The following STK32B variants were observed in gnomAD, a reference collection of about 807,000 sequenced individuals.
The protein encoded by STK32B is serine/threonine-protein kinase 32B.
In STK32B, 43 loss-of-function variants were observed where a neutral mutation model predicts 52.6. The observed-to-expected ratio is 0.82, with a 90% CI of 0.64 to 1.05. The LOEUF (loss-of-function observed/expected upper bound fraction) is 1.05, where lower values mean the gene tolerates loss of function less well. Ranked by LOEUF, STK32B falls within the 50% of genes least tolerant of loss-of-function variation. The pLI is 0.00. For missense variants in STK32B, 621 were observed against 534.6 expected, an observed-to-expected ratio of 1.16 and a Z score of -1.59; for synonymous variants, 238 against 204.3, an observed-to-expected ratio of 1.17 and a Z score of -1.41.
At position 5,058,329 on chromosome 4, in the gene STK32B, G is replaced by A. The variant is rs79501546; in HGVS notation, c.52+6414G>A. 1.1e-4 allele frequency among the ~76,000 whole-genome samples: 16 copies of A among 152,254 alleles called. No individual in the cohort carries two copies. In the East Asian group the frequency reaches 3.1e-3, roughly 29 times the overall value. ...ATGTGAGACCATGTGACTTGTTTTG[G>A]TCCATTTGAGCTGAGATGACATATG... On this transcript the variant is annotated intron_variant, in intron 1 of 11. Coordinates refer to ENST00000282908, the MANE Select transcript of STK32B (RefSeq NM_018401.3). This position sits in a 1 kb window ranked among gnomAD's most constrained non-coding sequence, Gnocchi z 4.8.
intron 4 of STK32B, among the ~76,000 whole-genome samples, chr4:5,384,145 A>T (rs1329401090): frequency 2.0e-5 from 3 of 152,080 alleles, no homozygotes; most frequent in Non-Finnish European, 4.4e-5. Context: ...TGGAAGGAGG[A>T]TGGAGGGGGT....
chr4:5,414,439 G>A (rs764098466), intron 5 of STK32B, among the ~76,000 whole-genome samples: 7 of 152,152 alleles, frequency 4.6e-5, no homozygotes, highest in Non-Finnish European at 7.4e-5. Flanking sequence ...AAAAAAGAAT[G>A]TTTCGGGTCA....
chr4:5,297,012 G>T (rs1181910073), intron 3 of STK32B, among the ~76,000 whole-genome samples: 1 of 152,116 alleles, frequency 6.6e-6, no homozygotes, highest in Non-Finnish European at 1.5e-5. Context: ...GTCTGTAAAG[G>T]ATTTTATTCC....
rs191366364 is a variant in STK32B at position 5,298,938 on chromosome 4, G to A, written c.261-32282G>A. Among the ~76,000 whole-genome samples the A allele has an allele frequency of 1.3e-5, 2 of 152,250 alleles. 1 individual carries two copies. The highest frequency in any genetic ancestry group is 3.9e-4 in the East Asian group (2 of 5,172). On this transcript the variant is annotated intron_variant, in intron 3 of 11. Transcript: ENST00000282908. ...GCCCTGGTGGTGTAGGCATCTGAGG[G>A]AATCTCCTGGTCTGTGGGTTGGAAA...
At chr4:5,461,325 G>T (rs1177166880) in intron 9 of STK32B, among the ~76,000 whole-genome samples, 1 of 152,174 alleles carries the variant, frequency 6.6e-6, no homozygotes, top group Non-Finnish European at 1.5e-5. Flanking sequence ...AGCCTGGAAG[G>T]CAAGAGATTT....
chr4:5,169,168 A>G (rs1437407070), intron 3 of STK32B, among the ~76,000 whole-genome samples: 1 of 152,146 alleles, frequency 6.6e-6, no homozygotes, highest in Non-Finnish European at 1.5e-5. Context: ...TCGCGACCTC[A>G]GTCTTCTCCT....
At position 5,484,003 on chromosome 4, in the gene STK32B, TCCAA is replaced by T. The variant is rs1034416141; in HGVS notation, c.1107-14940_1107-14937del. On this transcript the variant is annotated intron_variant, in intron 11 of 11. Coordinates refer to ENST00000282908, the MANE Select transcript of STK32B (RefSeq NM_018401.3). ...TACATTTGCTGAGGAGTGCTTTACT[TCCAA>T]CTATGTGGTCAATTTTGGAATAGGT... 3.3e-5 allele frequency among the ~76,000 whole-genome samples: 5 copies of T among 152,340 alleles called. No homozygotes were observed. In the East Asian group the frequency reaches 9.6e-4, roughly 29 times the overall value.
At chr4:5,177,073 A>G (rs1301502935) in intron 3 of STK32B, among the ~76,000 whole-genome samples, 1 of 152,162 alleles carries the variant, frequency 6.6e-6, no homozygotes, top group Non-Finnish European at 1.5e-5. Flanking sequence ...AATATTGTTC[A>G]CCGTAAGAGG....
At chr4:5,232,045 G>A (rs1724309928) in intron 3 of STK32B, among the ~76,000 whole-genome samples, 1 of 152,128 alleles carries the variant, frequency 6.6e-6, no homozygotes, top group Admixed American at 6.5e-5. Context: ...TGCTTGGGGT[G>A]GAGTGGTGAA....
chr4:5,479,073 T>C (rs1288590110), intron 11 of STK32B, among the ~76,000 whole-genome samples: 1 of 152,026 alleles, frequency 6.6e-6, no homozygotes, highest in Admixed American at 6.6e-5. Context: ...GTTTTTTCTT[T>C]TTCTTTGTTC....
chr4:5,067,369 C>G (rs973905672), intron 1 of STK32B, among the ~76,000 whole-genome samples: 1 of 152,134 alleles, frequency 6.6e-6, no homozygotes, highest in Non-Finnish European at 1.5e-5. Flanking sequence ...CAGTCACCCC[C>G]ACAAGACCAT....
intron 3 of STK32B, among the ~76,000 whole-genome samples, chr4:5,196,950 C>T (rs989714896): frequency 5.3e-5 from 8 of 151,976 alleles, no homozygotes; most frequent in Non-Finnish European, 7.4e-5. Flanking sequence ...TATGATGCCC[C>T]GTCCTCTCCT....
At chr4:5,401,613 C>T (rs938722266) in intron 5 of STK32B, among the ~76,000 whole-genome samples, 7 of 152,034 alleles carry the variant, frequency 4.6e-5, no homozygotes, top group African/African-American at 1.5e-4. Flanking sequence ...CAGAGAGATA[C>T]CACGCATTGA....
At chr4:5,254,921 C>CTAT (rs1560264029) in intron 3 of STK32B, among the ~76,000 whole-genome samples, 1 of 149,540 alleles carries the variant, frequency 6.7e-6, no homozygotes, top group Non-Finnish European at 1.5e-5. Flanking sequence ...ATAAACTTTC[C>CTAT]ATATATAGGA....
At chr4:5,096,337 C>G (rs1255567891) in intron 1 of STK32B, among the ~76,000 whole-genome samples, 1 of 152,204 alleles carries the variant, frequency 6.6e-6, no homozygotes, top group African/African-American at 2.4e-5. Context: ...ATTCTCTCCT[C>G]TCCTGGCATG....
intron 3 of STK32B, among the ~76,000 whole-genome samples, chr4:5,310,968 T>A (rs1344297554): frequency 6.6e-6 from 1 of 152,194 alleles, no homozygotes; most frequent in Non-Finnish European, 1.5e-5. Context: ...TTCTCACTCA[T>A]GTTTACACAT....
At chr4:5,389,308 T>C (rs1239042201) in intron 4 of STK32B, among the ~76,000 whole-genome samples, 1 of 152,190 alleles carries the variant, frequency 6.6e-6, no homozygotes, top group Non-Finnish European at 1.5e-5. Context: ...CTGCTAAAGC[T>C]GCCATACAAA....
chr4:5,360,509 T>C (rs1304511984), intron 4 of STK32B, among the ~76,000 whole-genome samples: 2 of 152,174 alleles, frequency 1.3e-5, no homozygotes, highest in African/African-American at 4.8e-5. Flanking sequence ...TGCGCTCTAC[T>C]GTGAGGGGCT....
chr4:5,146,064 T>TC (rs57954718), intron 2 of STK32B, among the ~76,000 whole-genome samples: 52,092 of 148,692 alleles, frequency 0.35, 9,490 homozygotes, highest in East Asian at 0.54. Flanking sequence ...TTTTTTTTTT[T>TC]CCCTAGTATG....
Sources: allele counts gnomAD v4.1 joint callset (sites outside exome capture counted in the v4.1 genomes callset), GRCh38; gene constraint gnomAD v4.1.1; non-coding constraint Gnocchi (gnomAD v3.1); transcripts MANE v1.5; gene names NCBI Gene and HGNC (gene_info 2026-07-23, HGNC 2026-07-21).